EGLN3: variants seen among roughly 807,000 people sequenced by gnomAD.
EGLN3 encodes the protein prolyl hydroxylase EGLN3.
EGLN3 carries 15 observed loss-of-function variants against 26.0 expected under a neutral mutation model. The ratio of observed to expected loss-of-function variants is 0.58; its 90% CI spans 0.39 to 0.89. The LOEUF (loss-of-function observed/expected upper bound fraction) is 0.89. EGLN3 is among the 40% of genes least tolerant of loss of function. The probability of loss-of-function intolerance (pLI) is 0.00; values close to 1 mark genes in which losing one functional copy is unlikely to be tolerated. For missense variants in EGLN3, 238 were observed against 311.6 expected (o/e 0.76, Z 1.78); for synonymous variants, 147 against 127.2 (o/e 1.16, Z -1.05).
intron 1 of EGLN3, among the ~76,000 whole-genome samples, chr14:33,941,598 C>T (rs1302028643): frequency 6.6e-6 from 1 of 151,262 alleles, no homozygotes; most frequent in Admixed American, 6.6e-5. Flanking sequence ...TTCAAATATC[C>T]ATCAAAATCA....
Position 33,929,099 on chromosome 14 carries a change from T to G in EGLN3, c.591A>C (p.Glu197Asp), listed in dbSNP as rs45570637. The change falls in exon 3 of 5, where the codon GAA (glutamate) becomes GAC (aspartate). Residue 197 changes from glutamate (E) to aspartate (D), a missense_variant. Glu to Asp is a conservative substitution (Grantham distance 45, BLOSUM62 2). Coordinates refer to ENST00000250457, the MANE Select transcript of EGLN3 (RefSeq NM_022073.4). ...ACCTGGTTGCGTAAGAGGGCTGCACTTCGTGTGGGTTCCTACGATCTGACC... is the reference window on the plus strand; with the variant it reads ...ACCTGGTTGCGTAAGAGGGCTGCACGTCGTGTGGGTTCCTACGATCTGACC... ...FFWSDRRNPH[E>D]VQPSYATRYA... 2 of 1,613,978 alleles carry G rather than the reference T, an allele frequency of 1.2e-6. No individual in the cohort carries two copies. Among genetic ancestry groups the G allele is most frequent in the East Asian group, 4.5e-5 (2 of 44,882 alleles).
At chr14:33,928,417 A>G (rs2064377663) in intron 3 of EGLN3, among the ~76,000 whole-genome samples, 1 of 152,224 alleles carries the variant, frequency 6.6e-6, no homozygotes, top group Non-Finnish European at 1.5e-5. Context: ...ACACAGACAA[A>G]GGTAAATGAG....
chr14:33,927,229 C>T (rs374383117), intron 3 of EGLN3, among the ~76,000 whole-genome samples, 196 bp from the exon 4 acceptor site: 4 of 151,344 alleles, frequency 2.6e-5, no homozygotes, highest in South Asian at 2.1e-4. Flanking sequence ...CAGGCAGAGG[C>T]GTGATCTCGG....
chr14:33,933,314 G>A (rs201307499), intron 1 of EGLN3, among the ~76,000 whole-genome samples: 135 of 139,296 alleles, frequency 9.7e-4, no homozygotes, highest in Admixed American at 1.2e-3. Context: ...TTAAAATATT[G>A]AAAAAAAAAA....
At chr14:33,929,312 C>A in intron 2 of EGLN3, 100 bp from the exon 3 acceptor site, 1 of 1,426,838 alleles carries the variant, frequency 7.0e-7, no homozygotes, top group South Asian at 1.3e-5. Flanking sequence ...TGCTAACCAC[C>A]ACTCCAAATG....
At chr14:33,927,519 T>C (rs1177637038) in intron 3 of EGLN3, among the ~76,000 whole-genome samples, 3 of 152,174 alleles carry the variant, frequency 2.0e-5, no homozygotes, top group Non-Finnish European at 4.4e-5. Context: ...TTCAATGTAA[T>C]AAAATGCATA....
chr14:33,935,639 A>G (rs2064436875), intron 1 of EGLN3, among the ~76,000 whole-genome samples: 1 of 152,022 alleles, frequency 6.6e-6, no homozygotes, highest in South Asian at 2.1e-4. Context: ...ATATACACAC[A>G]CATATATCAG....
chr14:33,939,917 G>A (rs1360015154), intron 1 of EGLN3, among the ~76,000 whole-genome samples: 1 of 152,146 alleles, frequency 6.6e-6, no homozygotes, highest in Non-Finnish European at 1.5e-5. Context: ...CCTCATTTTT[G>A]AGGGAACTAA....
intron 1 of EGLN3, among the ~76,000 whole-genome samples, chr14:33,935,795 C>T (rs2064437947): frequency 1.3e-5 from 2 of 152,118 alleles, no homozygotes; most frequent in African/African-American, 4.8e-5. Context: ...ATGCCATCCA[C>T]ATTCCAATTG....
intron 1 of EGLN3, among the ~76,000 whole-genome samples, chr14:33,932,244 C>T (rs568716622): frequency 4.6e-5 from 7 of 152,100 alleles, no homozygotes; most frequent in Non-Finnish European, 7.4e-5. Flanking sequence ...CAGAAGGTGT[C>T]CATCTAAAAT....
rs2064351744 is a variant in EGLN3, at chr14:33,925,032, A to T, written c.*859T>A. 6.7e-6 allele frequency: 1 copy of T among 150,078 alleles called. No homozygotes were observed. Among genetic ancestry groups the T allele is most frequent in the African/African-American group, 2.4e-5 (1 of 40,940 alleles). 9.3% of individuals were successfully genotyped at this position (150,078 alleles called of 1,614,324 possible). On this transcript the variant is annotated 3_prime_UTR_variant, in exon 5 of 5. Coordinates refer to ENST00000250457, the MANE Select transcript of EGLN3 (RefSeq NM_022073.4). The stretch of plus-strand genomic sequence containing the variant: ...TTCAAGATGCACACATGTTTATTGT[A>T]TATCAGTAGACCTAGCTCTTTCCAC...
chr14:33,946,368 C>T (rs1179888572), intron 1 of EGLN3, among the ~76,000 whole-genome samples: 4 of 147,164 alleles, frequency 2.7e-5, no homozygotes, highest in African/African-American at 7.5e-5. Flanking sequence ...AGGAGCAAAA[C>T]TCTGTCTCAA....
chr14:33,934,482 A>AAAG (rs374169407), intron 1 of EGLN3, among the ~76,000 whole-genome samples: 13 of 150,862 alleles, frequency 8.6e-5, no homozygotes, highest in Admixed American at 7.3e-4. Context: ...AAAAAAAAAA[A>AAAG]CCTATCTCAT....
intron 1 of EGLN3, among the ~76,000 whole-genome samples, chr14:33,935,113 C>A (rs1479522193): frequency 6.6e-6 from 1 of 152,224 alleles, no homozygotes; most frequent in Admixed American, 6.5e-5. Context: ...ACGGGATAAT[C>A]TGCATTTAGC....
intron 2 of EGLN3, among the ~76,000 whole-genome samples, chr14:33,930,207 T>A (rs2064392208): frequency 6.6e-6 from 1 of 152,240 alleles, no homozygotes; most frequent in Non-Finnish European, 1.5e-5. Flanking sequence ...ATTACCAGTC[T>A]GATAACTTTA....
chr14:33,946,351 G>A (rs1360937824), intron 1 of EGLN3, among the ~76,000 whole-genome samples: 2 of 151,842 alleles, frequency 1.3e-5, no homozygotes, highest in African/African-American at 4.8e-5. Context: ...ACTCCAACCT[G>A]CGCAACAGGA....
intron 1 of EGLN3, among the ~76,000 whole-genome samples, chr14:33,948,038 T>A (rs975330009): frequency 8.7e-5 from 13 of 149,996 alleles, no homozygotes; most frequent in African/African-American, 2.8e-4. Context: ...CTCAAAAAAA[T>A]AATAATAATA....
At chr14:33,936,647 G>C (rs780149594) in intron 1 of EGLN3, among the ~76,000 whole-genome samples, 2 of 151,872 alleles carry the variant, frequency 1.3e-5, no homozygotes, top group Non-Finnish European at 2.9e-5. Context: ...TGGAACAAAG[G>C]CACTATATGT....
Sources: gnomAD v4.1 joint callset for allele counts (sites outside exome capture counted in the v4.1 genomes callset) on GRCh38, gnomAD v4.1.1 for gene constraint, MANE v1.5 for transcripts, NCBI Gene and HGNC (gene_info 2026-07-23, HGNC 2026-07-21) for gene names.